The following FUT8 variants were observed in gnomAD, a reference collection of about 807,000 sequenced individuals.
FUT8 encodes the protein alpha-(1,6)-fucosyltransferase.
Under a neutral mutation model 71.3 loss-of-function variants are expected in FUT8, and 29 were observed. The ratio of observed to expected loss-of-function variants is 0.41; its 90% CI spans 0.30 to 0.55. The LOEUF is 0.55. Among genes scored for constraint, FUT8 ranks in the 20% least tolerant of loss-of-function variants. FUT8 has a pLI of 0.34. For synonymous variants in FUT8, 254 were observed against 239.3 expected (o/e 1.06, Z -0.57); for missense variants, 544 against 702.1 (o/e 0.77, Z 2.55).
In FUT8 at chr14:65,721,958, C is replaced by G; in HGVS notation, c.1019C>G (p.Pro340Arg). The change falls in exon 8 of 11, where the codon CCT becomes CGT. Residue 340 changes from proline (P) to arginine (R), a missense_variant. Coordinates refer to ENST00000673929, the MANE Select transcript of FUT8 (RefSeq NM_001371533.1). The part of the protein sequence containing the change: ...QFVKYLIRPQ[P>R]WLEKEIEEAT... Reference sequence around the variant, plus strand: ...GTCAAATACTTGATCCGCCCACAGCCTTGGCTAGAAAAAGAAATAGAAGAA... The same window carrying G: ...GTCAAATACTTGATCCGCCCACAGCGTTGGCTAGAAAAAGAAATAGAAGAA... 6.2e-7 allele frequency: 1 copy of G among 1,614,086 alleles called. No homozygotes were observed. Among genetic ancestry groups the G allele is most frequent in the African/African-American group, 1.3e-5 (1 of 75,000 alleles).
chr14:65,740,333 C>CTTT, intron 10 of FUT8, among the ~76,000 whole-genome samples: 1 of 151,684 alleles, frequency 6.6e-6, no homozygotes, highest in South Asian at 2.1e-4. Flanking sequence ...AATATTGGGG[C>CTTT]AAATGTAGTT....
At chr14:65,439,432 T>TTATC (rs558010589) in intron 1 of FUT8, among the ~76,000 whole-genome samples, 180 of 152,254 alleles carry the variant, frequency 1.2e-3, no homozygotes, top group African/African-American at 4.0e-3. Flanking sequence ...TTTAGTAACT[T>TTATC]GATAATTTCA....
chr14:65,378,834 A>G, the FUT8 span, among the ~76,000 whole-genome samples: 2 of 100,050 alleles, frequency 2.0e-5, no homozygotes, highest in Admixed American at 1.1e-4. Context: ...ATTTCACAAG[A>G]AGGTTTTTTT....
chr14:65,581,829 A>T (rs1156993440), intron 3 of FUT8, among the ~76,000 whole-genome samples: 1 of 152,072 alleles, frequency 6.6e-6, no homozygotes, highest in Non-Finnish European at 1.5e-5. Flanking sequence ...TGATGCCACT[A>T]TTGCCAAATT....
At chr14:65,655,254 A>G (rs2140334688) in intron 6 of FUT8, among the ~76,000 whole-genome samples, 1 of 151,954 alleles carries the variant, frequency 6.6e-6, no homozygotes, top group Middle Eastern at 3.4e-3. Context: ...CGGGCAGATC[A>G]TGAAGTCAGG....
the FUT8 span, among the ~76,000 whole-genome samples, chr14:65,394,210 T>C: frequency 2.6e-5 from 4 of 152,180 alleles, no homozygotes; most frequent in Non-Finnish European, 4.4e-5. Flanking sequence ...CTGCCCACCT[T>C]GGCCTCCCAA....
At chr14:65,604,502 A>C (rs1888466161) in intron 3 of FUT8, among the ~76,000 whole-genome samples, 1 of 151,988 alleles carries the variant, frequency 6.6e-6, no homozygotes, top group African/African-American at 2.4e-5. Flanking sequence ...CTGAATGATC[A>C]TTGGGTCAAC....
chr14:65,439,954 G>GTGTACGTATATATATA, intron 1 of FUT8, among the ~76,000 whole-genome samples: 2,742 of 74,912 alleles, frequency 0.037, 404 homozygotes, highest in Non-Finnish European at 0.05. Context: ...GTGTGTGTGT[G>GTGTACGTATATATATA]TATATATATA....
chr14:65,388,985 C>T, the FUT8 span, among the ~76,000 whole-genome samples: 428 of 150,700 alleles, frequency 2.8e-3, no homozygotes, highest in African/African-American at 9.7e-3. Flanking sequence ...TGTATATATG[C>T]ATATATAAAT....
chr14:65,404,674 C>A, the FUT8 span, among the ~76,000 whole-genome samples: 2 of 152,020 alleles, frequency 1.3e-5, no homozygotes, highest in South Asian at 4.2e-4. Flanking sequence ...GGGGTTTCAC[C>A]ATGTTGGTCA....
At chr14:65,439,765 GCCT>G (rs1347274986) in intron 1 of FUT8, among the ~76,000 whole-genome samples, 1 of 151,596 alleles carries the variant, frequency 6.6e-6, no homozygotes, top group Admixed American at 6.6e-5. Context: ...ATGCACAAAA[GCCT>G]CCTAGTGTTG....
At chr14:65,368,880 A>T in the FUT8 span, among the ~76,000 whole-genome samples, 1 of 151,094 alleles carries the variant, frequency 6.6e-6, no homozygotes, top group Non-Finnish European at 1.5e-5. Context: ...CTAGTCTCGA[A>T]CTCCTGAGAC....
At chr14:65,410,981 A>AC (rs2065118120), upstream of FUT8, 1 of 152,090 alleles carries the variant, frequency 6.6e-6, no homozygotes, top group South Asian at 2.1e-4. Context: ...GTAAATATCC[A>AC]CCCCACCTCT....
chr14:65,551,977 A>G (rs1315955475), intron 2 of FUT8, among the ~76,000 whole-genome samples: 1 of 152,166 alleles, frequency 6.6e-6, no homozygotes, highest in African/African-American at 2.4e-5. Flanking sequence ...CTGTTTATAT[A>G]TATAATTTTA....
chr14:65,567,628 A>G (rs1054179618), intron 3 of FUT8, among the ~76,000 whole-genome samples: 1 of 151,904 alleles, frequency 6.6e-6, no homozygotes, highest in Admixed American at 6.6e-5. Context: ...CTTTCATGAT[A>G]TCTGCCTTTT....
intron 2 of FUT8, among the ~76,000 whole-genome samples, chr14:65,459,615 A>C (rs1052561924): frequency 6.6e-6 from 1 of 152,194 alleles, no homozygotes; most frequent in Non-Finnish European, 1.5e-5. Context: ...AATGATGAGT[A>C]AAATGAACCC....
intron 2 of FUT8, among the ~76,000 whole-genome samples, chr14:65,470,584 C>T (rs1173914239): frequency 6.6e-6 from 1 of 152,198 alleles, no homozygotes; most frequent in South Asian, 2.1e-4. Context: ...GTTGCCCTGG[C>T]GCTTCAGTGG....
intron 1 of FUT8, among the ~76,000 whole-genome samples, chr14:65,439,954 G>GTGTACGTGTATATATATA: frequency 1.3e-5 from 1 of 74,984 alleles, no homozygotes; most frequent in Non-Finnish European, 2.5e-5. Context: ...GTGTGTGTGT[G>GTGTACGTGTATATATATA]TATATATATA....
chr14:65,513,944 G>A (rs943781722), intron 2 of FUT8, among the ~76,000 whole-genome samples: 8 of 152,200 alleles, frequency 5.3e-5, no homozygotes, highest in African/African-American at 1.9e-4. Context: ...TAACATATAA[G>A]TAACATACAT....
Sources: gnomAD v4.1 joint callset for allele counts (sites outside exome capture counted in the v4.1 genomes callset) on GRCh38, gnomAD v4.1.1 for gene constraint, MANE v1.5 for transcripts, NCBI Gene and HGNC (gene_info 2026-07-23, HGNC 2026-07-21) for gene names.